Variants in GOLGA5 observed in about 807,000 individuals in gnomAD.
GOLGA5 encodes the protein golgin subfamily A member 5.
Under a neutral mutation model 93.5 loss-of-function variants are expected in GOLGA5, and 50 were observed. The ratio of observed to expected loss-of-function variants is 0.53; its 90% CI spans 0.43 to 0.68. The LOEUF is 0.68. Ranked by LOEUF, GOLGA5 falls within the 30% of genes least tolerant of loss-of-function variation. The pLI is 0.00. For synonymous variants in GOLGA5, 312 were observed against 304.5 expected, an observed-to-expected ratio of 1.02 and a Z score of -0.26; for missense variants, 760 against 856.4, an observed-to-expected ratio of 0.89 and a Z score of 1.40.
At position 92,821,220 on chromosome 14, in the gene GOLGA5, G is replaced by A. The variant is rs545066725; in HGVS notation, c.1620+1384G>A. Among the ~76,000 whole-genome samples the A allele has an allele frequency of 1.9e-3, 287 of 152,192 alleles. 2 individuals carry two copies. The highest frequency in any genetic ancestry group is 6.6e-3 in the African/African-American group (273 of 41,544). The stretch of plus-strand genomic sequence containing the variant: ...ATTGCATTTGTGCTTTCTAGGAACA[G>A]CAGTAAATATTATTTAATAAAAATA... On this transcript the variant is annotated intron_variant, in intron 8 of 12. Coordinates refer to ENST00000163416, the MANE Select transcript of GOLGA5 (RefSeq NM_005113.4).
At chr14:92,799,040 C>T (rs916547439) in intron 2 of GOLGA5, among the ~76,000 whole-genome samples, 5 of 151,944 alleles carry the variant, frequency 3.3e-5, no homozygotes, top group Admixed American at 6.6e-5. Flanking sequence ...TATCACAGCT[C>T]GCACTACCTT....
rs1161244207 is a variant in GOLGA5, at chr14:92,797,429, G to A, written c.-9G>A. The A allele has an allele frequency of 6.3e-7, 1 of 1,592,292 alleles. No individual in the cohort carries two copies. The highest frequency in any genetic ancestry group is 1.7e-5 in the Admixed American group (1 of 57,194). ...ACAGGTTTGCCAATAGGATTATCCT[G>A]CTGCCATCATGTCTTGGTTTGTTGA... On this transcript the variant is annotated 5_prime_UTR_variant, in exon 2 of 13. Coordinates refer to ENST00000163416, the MANE Select transcript of GOLGA5 (RefSeq NM_005113.4).
intron 6 of GOLGA5, among the ~76,000 whole-genome samples, chr14:92,812,083 T>C (rs1380080583): frequency 6.6e-6 from 1 of 152,226 alleles, no homozygotes; most frequent in African/African-American, 2.4e-5. Flanking sequence ...AGCAACTGCT[T>C]TAGGACTCAT....
intron 1 of GOLGA5, among the ~76,000 whole-genome samples, chr14:92,795,373 T>A (rs1229863273): frequency 6.6e-6 from 1 of 152,220 alleles, no homozygotes; most frequent in South Asian, 2.1e-4. Context: ...TTCTTGAGGT[T>A]TTTTAGATTT....
chr14:92,796,559 T>G (rs1016627256), intron 1 of GOLGA5, among the ~76,000 whole-genome samples: 2 of 152,178 alleles, frequency 1.3e-5, no homozygotes, highest in African/African-American at 4.8e-5. Flanking sequence ...TCATTTTAAT[T>G]ATCCTTTTAG....
chr14:92,815,948 G>A (rs145313364), intron 6 of GOLGA5, among the ~76,000 whole-genome samples: 68 of 151,466 alleles, frequency 4.5e-4, no homozygotes, highest in Non-Finnish European at 7.5e-4. Flanking sequence ...CTCGTGATCC[G>A]CCCGCCTCAG....
intron 2 of GOLGA5, among the ~76,000 whole-genome samples, chr14:92,798,308 G>A (rs1466396449): frequency 1.3e-5 from 2 of 152,148 alleles, no homozygotes; most frequent in Non-Finnish European, 2.9e-5. Context: ...AGTTTGGATC[G>A]GGGACTATCC....
At chr14:92,822,332 T>C (rs981893716) in intron 8 of GOLGA5, among the ~76,000 whole-genome samples, 1 of 152,256 alleles carries the variant, frequency 6.6e-6, no homozygotes, top group Non-Finnish European at 1.5e-5. Context: ...GAACTGCTGC[T>C]GTACTCTTCA....
intron 7 of GOLGA5, among the ~76,000 whole-genome samples, 161 bp downstream of exon 7, chr14:92,816,582 T>C (rs1188997958): frequency 1.3e-5 from 2 of 152,188 alleles, no homozygotes; most frequent in Admixed American, 6.5e-5. Flanking sequence ...TTCTCTTCTT[T>C]TGGAGTCAGG....
chr14:92,796,939 C>T (rs1470908195), intron 1 of GOLGA5, among the ~76,000 whole-genome samples: 5 of 117,270 alleles, frequency 4.3e-5, no homozygotes, highest in African/African-American at 1.4e-4. Flanking sequence ...CACTGCAGTC[C>T]GCAGTCCGGC....
At chr14:92,834,184 CTTTTTT>C (rs35449807) in intron 10 of GOLGA5, among the ~76,000 whole-genome samples, 1 of 135,066 alleles carries the variant, frequency 7.4e-6, no homozygotes, top group African/African-American at 2.6e-5. Flanking sequence ...TAGGTTTCAC[CTTTTTT>C]TTTTTATTTT....
Position 92,806,968 on chromosome 14 carries a change from A to G in GOLGA5, c.772+5A>G, listed in dbSNP as rs1195210636. ...GATCCAAAGAGACTCAAGAAGGTAG[A>G]GGCTTAAATTGTTCAGGATTAGGAA... is the stretch of plus-strand genomic sequence containing the variant. On this transcript the variant is annotated splice_donor_5th_base_variant and intron_variant, in intron 3 of 12. Coordinates refer to ENST00000163416, the MANE Select transcript of GOLGA5 (RefSeq NM_005113.4). 1 of 1,530,840 alleles carries G rather than the reference A, an allele frequency of 6.5e-7. No individual in the cohort carries two copies. The highest frequency in any genetic ancestry group is 1.7e-5 in the Admixed American group (1 of 59,930). The allele number at this position is 1,530,840 out of a possible 1,614,324, so 94.8% of individuals were successfully genotyped here.
chr14:92,815,920 T>C (rs1885194153), intron 6 of GOLGA5, among the ~76,000 whole-genome samples: 1 of 151,932 alleles, frequency 6.6e-6, no homozygotes, highest in Non-Finnish European at 1.5e-5. Flanking sequence ...TTAGCCAGGA[T>C]GGTCTCGACC....
intron 10 of GOLGA5, 74 bp from the exon 11 acceptor site, chr14:92,835,485 C>A: frequency 2.0e-6 from 2 of 990,880 alleles, no homozygotes; most frequent in Non-Finnish European, 3.1e-6. Flanking sequence ...ACATGTAATA[C>A]AGTGTATTTC....
intron 2 of GOLGA5, among the ~76,000 whole-genome samples, chr14:92,802,027 T>G (rs980489417): frequency 6.6e-6 from 1 of 152,202 alleles, no homozygotes; most frequent in Non-Finnish European, 1.5e-5. Flanking sequence ...TCCACTCCTG[T>G]ATGCATTTTA....
chr14:92,811,777 T>G, intron 6 of GOLGA5, 23 bp downstream of exon 6: 1 of 1,538,784 alleles, frequency 6.5e-7, no homozygotes, highest in South Asian at 1.1e-5. Flanking sequence ...TGTACACTTT[T>G]GGATGTTAAG....
At chr14:92,816,563 C>T (rs1885213469) in intron 7 of GOLGA5, 142 bp downstream of exon 7, 1 of 633,778 alleles carries the variant, frequency 1.6e-6, no homozygotes, top group Non-Finnish European at 2.7e-6. Context: ...CTTCCTCCTC[C>T]TCTTCCTCTT....
At chr14:92,820,100 C>T (rs140593724) in intron 8 of GOLGA5, among the ~76,000 whole-genome samples, 485 of 152,210 alleles carry the variant, frequency 3.2e-3, no homozygotes, top group Middle Eastern at 0.014. Context: ...CCCAGGAGAC[C>T]GGCGCTCAGC....
chr14:92,837,559 A>G, intron 12 of GOLGA5, 110 bp downstream of exon 12: 1 of 664,708 alleles, frequency 1.5e-6, no homozygotes. Context: ...TTAGCAATCA[A>G]TCAATTTTTT....
Sources: gnomAD v4.1 joint callset for allele counts (sites outside exome capture counted in the v4.1 genomes callset) on GRCh38, gnomAD v4.1.1 for gene constraint, MANE v1.5 for transcripts, NCBI Gene and HGNC (gene_info 2026-07-23, HGNC 2026-07-21) for gene names.